Variants in ATL1 observed in about 807,000 individuals in gnomAD.
ATL1 encodes atlastin GTPase 1.
Under a neutral mutation model 75.5 loss-of-function variants are expected in ATL1, and 31 were observed. The observed-to-expected ratio is 0.41, with a 90% CI of 0.31 to 0.55. The LOEUF (loss-of-function observed/expected upper bound fraction) is 0.55. Ranked by LOEUF, ATL1 falls within the 20% of genes least tolerant of loss-of-function variation. The pLI, the probability that ATL1 is intolerant of heterozygous loss-of-function variation, is 0.27. For synonymous variants in ATL1, 226 were observed against 233.3 expected (o/e 0.97, Z 0.28); for missense variants, 405 against 662.6 (o/e 0.61, Z 4.27).
chr14:50,613,540 T>C (rs1248544851), intron 7 of ATL1, among the ~76,000 whole-genome samples, 189 bp downstream of exon 7: 3 of 152,226 alleles, frequency 2.0e-5, no homozygotes, highest in Admixed American at 1.3e-4. Flanking sequence ...ATAAAACTTT[T>C]ACTTTGAAGA....
At chr14:50,536,937 A>G (rs2038500451) in intron 1 of ATL1, among the ~76,000 whole-genome samples, 1 of 152,262 alleles carries the variant, frequency 6.6e-6, no homozygotes, top group African/African-American at 2.4e-5. Context: ...TACAATGGAA[A>G]AGAAAATCCC....
At chr14:50,600,929 T>C (rs771261274) in intron 6 of ATL1, among the ~76,000 whole-genome samples, 1 of 151,896 alleles carries the variant, frequency 6.6e-6, no homozygotes, top group African/African-American at 2.4e-5. Flanking sequence ...ATAGTGAGAC[T>C]CTATCTCTAC....
At chr14:50,575,993 A>G (rs935906945) in intron 1 of ATL1, among the ~76,000 whole-genome samples, 12 of 152,310 alleles carry the variant, frequency 7.9e-5, no homozygotes, top group African/African-American at 2.6e-4. Context: ...GTGAAATGAT[A>G]TACAGACTAT....
At chr14:50,599,952 A>G (rs1032479884) in intron 6 of ATL1, among the ~76,000 whole-genome samples, 5 of 151,220 alleles carry the variant, frequency 3.3e-5, no homozygotes, top group African/African-American at 4.9e-5. Context: ...AGTCTTCTAT[A>G]TGATTTACAA....
chr14:50,615,244 T>C (rs2039403927), intron 8 of ATL1, among the ~76,000 whole-genome samples: 1 of 152,222 alleles, frequency 6.6e-6, no homozygotes, highest in South Asian at 2.1e-4. Context: ...CATGACTTTT[T>C]AACTTGAAAG....
intron 2 of ATL1, among the ~76,000 whole-genome samples, chr14:50,589,155 C>CTTTTTTTTTTTTTTTTTT (rs34191629): frequency 9.1e-6 from 1 of 109,428 alleles, no homozygotes; most frequent in Non-Finnish European, 1.9e-5. Flanking sequence ...TTCTTTCTTT[C>CTTTTTTTTTTTTTTTTTT]TTTTTTTTTT....
intron 6 of ATL1, among the ~76,000 whole-genome samples, chr14:50,599,099 A>G (rs1460049456): frequency 1.3e-5 from 2 of 152,222 alleles, no homozygotes; most frequent in East Asian, 1.9e-4. Context: ...TACTACATCA[A>G]AATTAAGTAT....
At chr14:50,541,061 C>A (rs938169696) in intron 1 of ATL1, among the ~76,000 whole-genome samples, 1 of 152,218 alleles carries the variant, frequency 6.6e-6, no homozygotes, top group African/African-American at 2.4e-5. Flanking sequence ...CAGAACAGCT[C>A]TTGGCACCTA....
intron 1 of ATL1, among the ~76,000 whole-genome samples, chr14:50,579,823 A>G (rs113745343): frequency 2.2e-4 from 33 of 152,272 alleles, no homozygotes; most frequent in African/African-American, 7.0e-4. Context: ...CCATGGTGGT[A>G]GTATTTATAT....
At chr14:50,596,252 T>C (rs887379354) in intron 6 of ATL1, among the ~76,000 whole-genome samples, 1 of 152,114 alleles carries the variant, frequency 6.6e-6, no homozygotes, top group African/African-American at 2.4e-5. Flanking sequence ...GAGGATCACT[T>C]GACCCCAAGA....
chr14:50,534,222 G>A (rs1321593219), intron 1 of ATL1, among the ~76,000 whole-genome samples: 1 of 152,068 alleles, frequency 6.6e-6, no homozygotes, highest in East Asian at 1.9e-4. Flanking sequence ...GGAATTTCAG[G>A]CAGCACACAG....
At chr14:50,622,256 C>T (rs756627434) in intron 10 of ATL1, among the ~76,000 whole-genome samples, 1 of 152,170 alleles carries the variant, frequency 6.6e-6, no homozygotes, top group Admixed American at 6.5e-5. Context: ...GAGCCAGGCA[C>T]GGTGGCATGT....
rs2038899433 is a variant in ATL1, at chr14:50,565,970, C to G, written c.34+5671C>G. 2.0e-5 allele frequency among the ~76,000 whole-genome samples: 3 copies of G among 152,048 alleles called. No individual in the cohort carries two copies. In the South Asian group the frequency reaches 6.2e-4, roughly 32 times the overall value. ...ATTTTGTCACTCCTTGTATGCCTCT[C>G]CTTAAGGACAACCTGTTTTGTTTTG... On this transcript the variant is annotated intron_variant, in intron 1 of 13. Transcript: ENST00000358385.
At chr14:50,620,838 A>G in intron 9 of ATL1, 112 bp downstream of exon 9, 1 of 1,275,624 alleles carries the variant, frequency 7.8e-7, no homozygotes, top group South Asian at 1.3e-5. Context: ...GGTACGAGGA[A>G]TCTATAAAAA....
intron 1 of ATL1, among the ~76,000 whole-genome samples, chr14:50,551,458 TG>T (rs2038701636): frequency 6.6e-6 from 1 of 152,130 alleles, no homozygotes; most frequent in African/African-American, 2.4e-5. Context: ...AAAGAAGAAT[TG>T]GTACCAATTC....
chr14:50,584,732 A>T (rs185066789), intron 1 of ATL1, among the ~76,000 whole-genome samples: 35 of 151,208 alleles, frequency 2.3e-4, no homozygotes, highest in East Asian at 1.5e-3. Context: ...AATAAATAAA[A>T]AATAAAATAA....
At chr14:50,604,222 G>C (rs953109618) in intron 6 of ATL1, among the ~76,000 whole-genome samples, 2 of 152,128 alleles carry the variant, frequency 1.3e-5, no homozygotes, top group Non-Finnish European at 2.9e-5. Context: ...TTGTAGAGCT[G>C]ACCTCAACCT....
At chr14:50,563,703 C>A (rs1329900264) in intron 1 of ATL1, among the ~76,000 whole-genome samples, 1 of 152,180 alleles carries the variant, frequency 6.6e-6, no homozygotes, top group Non-Finnish European at 1.5e-5. Flanking sequence ...AGAAAAGCAT[C>A]TCTGCTGACT....
intron 6 of ATL1, among the ~76,000 whole-genome samples, chr14:50,609,285 C>T (rs537311363): frequency 4.6e-5 from 7 of 151,604 alleles, no homozygotes; most frequent in African/African-American, 1.2e-4. Context: ...AGACTAAATG[C>T]GGGACAAAAG....
Sources: gnomAD v4.1 joint callset for allele counts (sites outside exome capture counted in the v4.1 genomes callset) on GRCh38, gnomAD v4.1.1 for gene constraint, MANE v1.5 for transcripts, NCBI Gene and HGNC (gene_info 2026-07-23, HGNC 2026-07-21) for gene names.